Variants in RAB3C observed in about 807,000 individuals in gnomAD.
RAB3C encodes ras-related protein Rab-3C.
In RAB3C, 17 loss-of-function variants were observed where a neutral mutation model predicts 26.4. The observed-to-expected ratio is 0.64, with a 90% CI of 0.44 to 0.97. The LOEUF (loss-of-function observed/expected upper bound fraction) is 0.97, where lower values mean the gene tolerates loss of function less well. RAB3C is among the 50% of genes least tolerant of loss of function. The pLI, the probability that RAB3C is intolerant of heterozygous loss-of-function variation, is 0.00. For missense variants in RAB3C, 242 were observed against 281.9 expected (o/e 0.86, Z 1.01); for synonymous variants, 91 against 95.9 (o/e 0.95, Z 0.30).
At position 58,710,599 on chromosome 5, in the gene RAB3C, A is replaced by AAAATAAAT. The variant is rs1554048943; in HGVS notation, c.253-15365_253-15358dup. Among the ~76,000 whole-genome samples the AAAATAAAT allele has an allele frequency of 4.0e-3, 538 of 135,588 alleles. 4 individuals carry two copies. The highest frequency in any genetic ancestry group is 9.6e-3 in the African/African-American group (314 of 32,674). The allele number at this position is 135,588 out of a possible 152,430, so 89.0% of individuals were successfully genotyped here. On this transcript the variant is annotated intron_variant, in intron 2 of 4. Transcript: ENST00000282878. The stretch of plus-strand genomic sequence containing the variant: ...GGGCAAAAGAGCAAGACTCTGTCTC[A>AAAATAAAT]AAATAAATAAATAAATAAATAAATA...
At chr5:58,752,409 A>G (rs945072812) in intron 3 of RAB3C, among the ~76,000 whole-genome samples, 7 of 152,060 alleles carry the variant, frequency 4.6e-5, no homozygotes, top group African/African-American at 1.7e-4. Context: ...AACAAATTCT[A>G]GGATTGCTTT....
At chr5:58,736,543 T>A (rs2111938054) in intron 3 of RAB3C, among the ~76,000 whole-genome samples, 1 of 152,334 alleles carries the variant, frequency 6.6e-6, no homozygotes, top group East Asian at 1.9e-4. Flanking sequence ...CTACTCTTAC[T>A]TTGGACTTGC....
At chr5:58,582,948 T>C, upstream of RAB3C, 1 of 914,452 alleles carries the variant, frequency 1.1e-6, no homozygotes, top group East Asian at 2.9e-5. Flanking sequence ...GTTTGCTTGC[T>C]TGCCGGGAGT....
At chr5:58,764,002 T>G (rs1410031491) in intron 3 of RAB3C, among the ~76,000 whole-genome samples, 1 of 152,210 alleles carries the variant, frequency 6.6e-6, no homozygotes, top group Non-Finnish European at 1.5e-5. Flanking sequence ...GTTCTTCTCA[T>G]TGAATAAGGT....
At chr5:58,794,637 TA>T (rs1238120336) in intron 3 of RAB3C, 5 of 152,184 alleles carry the variant, frequency 3.3e-5, no homozygotes, top group South Asian at 2.1e-4. Flanking sequence ...AATTATTTAT[TA>T]AAAAAACATT....
intron 3 of RAB3C, among the ~76,000 whole-genome samples, chr5:58,739,813 G>T (rs1741238303): frequency 6.6e-6 from 1 of 152,180 alleles, no homozygotes; most frequent in Non-Finnish European, 1.5e-5. Flanking sequence ...ATAACAGTTG[G>T]TTCACATTTA....
chr5:58,654,237 G>A (rs1490800169), intron 2 of RAB3C, among the ~76,000 whole-genome samples: 3 of 152,088 alleles, frequency 2.0e-5, no homozygotes, highest in Non-Finnish European at 2.9e-5. Context: ...AGTATTGCTT[G>A]GAGTGTGCAA....
At chr5:58,790,482 T>C (rs958405368) in intron 3 of RAB3C, among the ~76,000 whole-genome samples, 7 of 152,202 alleles carry the variant, frequency 4.6e-5, no homozygotes, top group Non-Finnish European at 8.8e-5. Flanking sequence ...GTGAGCCTTA[T>C]TGTCCATAAG....
Position 58,716,816 on chromosome 5 carries a change from A to C in RAB3C, c.253-9186A>C, listed in dbSNP as rs187524736. Among the ~76,000 whole-genome samples the C allele has an allele frequency of 3.9e-3, 598 of 151,946 alleles. 4 individuals are homozygous for C. The highest frequency in any genetic ancestry group is 9.3e-3 in the Admixed American group (142 of 15,246). ...GTTCTCTTATTAAAAAAAAAAAAAAAAACAACTCAGGCAGAACACAGGGGA... is the reference window on the plus strand; with the variant it reads ...GTTCTCTTATTAAAAAAAAAAAAAACAACAACTCAGGCAGAACACAGGGGA... On this transcript the variant is annotated intron_variant, in intron 2 of 4. Coordinates refer to ENST00000282878, the MANE Select transcript of RAB3C (RefSeq NM_138453.4).
intron 2 of RAB3C, among the ~76,000 whole-genome samples, chr5:58,649,507 T>G (rs1247613673): frequency 1.3e-5 from 2 of 151,854 alleles, no homozygotes; most frequent in African/African-American, 4.8e-5. Context: ...AAACCCTCAC[T>G]TAAGGCGACC....
At chr5:58,791,866 G>GTTT (rs1742531153) in intron 3 of RAB3C, among the ~76,000 whole-genome samples, 1 of 152,206 alleles carries the variant, frequency 6.6e-6, no homozygotes, top group Non-Finnish European at 1.5e-5. Context: ...CTTAGAAGCA[G>GTTT]TTTGATGTTG....
At chr5:58,753,839 T>TG (rs1741587023) in intron 3 of RAB3C, among the ~76,000 whole-genome samples, 1 of 152,218 alleles carries the variant, frequency 6.6e-6, no homozygotes, top group Admixed American at 6.5e-5. Context: ...CAAGGAGACC[T>TG]GGAGGCAAGA....
intron 2 of RAB3C, among the ~76,000 whole-genome samples, chr5:58,680,249 C>T (rs955396696): frequency 1.3e-5 from 2 of 152,092 alleles, no homozygotes; most frequent in African/African-American, 4.8e-5. Flanking sequence ...TTGAACTTTC[C>T]TTTGAGATCC....
chr5:58,733,374 C>G (rs1382238294), intron 3 of RAB3C, among the ~76,000 whole-genome samples: 1 of 152,180 alleles, frequency 6.6e-6, no homozygotes, highest in Non-Finnish European at 1.5e-5. Flanking sequence ...AACAATCACA[C>G]TGGAAGCTGC....
At chr5:58,641,254 GTA>G (rs947821038) in intron 2 of RAB3C, among the ~76,000 whole-genome samples, 22 of 152,252 alleles carry the variant, frequency 1.4e-4, no homozygotes, top group African/African-American at 5.3e-4. Context: ...TGTAAATGTG[GTA>G]TTTAAGGAAC....
chr5:58,738,173 GT>G (rs533863910), intron 3 of RAB3C, among the ~76,000 whole-genome samples: 11 of 152,070 alleles, frequency 7.2e-5, no homozygotes, highest in Admixed American at 5.2e-4. Flanking sequence ...GGGTTCTCTT[GT>G]TTTTTTCCCA....
intron 1 of RAB3C, among the ~76,000 whole-genome samples, chr5:58,590,431 A>T (rs553636281): frequency 6.6e-6 from 1 of 151,892 alleles, no homozygotes; most frequent in Admixed American, 6.6e-5. Context: ...TTTGTATTTT[A>T]TTGATTTTAG....
At chr5:58,821,995 T>TG (rs927002608) in intron 3 of RAB3C, among the ~76,000 whole-genome samples, 3 of 103,296 alleles carry the variant, frequency 2.9e-5, no homozygotes, top group Non-Finnish European at 4.2e-5. Context: ...GTTACAAATC[T>TG]GTTTTTTTTC....
intron 2 of RAB3C, among the ~76,000 whole-genome samples, chr5:58,723,703 A>C (rs1740823050): frequency 6.6e-6 from 1 of 151,748 alleles, no homozygotes; most frequent in Admixed American, 6.6e-5. Context: ...TTTGATGGTA[A>C]AGGGAGCTGT....
Sources: allele counts gnomAD v4.1 joint callset (sites outside exome capture counted in the v4.1 genomes callset), GRCh38; gene constraint gnomAD v4.1.1; transcripts MANE v1.5; gene names NCBI Gene and HGNC (gene_info 2026-07-23, HGNC 2026-07-21).